ARMC8: variants seen among roughly 807,000 people sequenced by gnomAD.
ARMC8 encodes the protein armadillo repeat containing 8, also known as armadillo repeat-containing protein 8.
Under a neutral mutation model 99.3 loss-of-function variants are expected in ARMC8, and 20 were observed. The observed-to-expected ratio is 0.20, with a 90% confidence interval of 0.14 to 0.29. ARMC8 has a LOEUF of 0.29. ARMC8 is among the 10% of genes least tolerant of loss of function. The probability of loss-of-function intolerance (pLI) is 1.00; values close to 1 mark genes in which losing one functional copy is unlikely to be tolerated. For missense variants in ARMC8, 569 were observed against 809.5 expected (o/e 0.70, Z 3.60); for synonymous variants, 263 against 278.3 (o/e 0.95, Z 0.55).
intron 12 of ARMC8, among the ~76,000 whole-genome samples, chr3:138,252,667 G>C (rs1268811235): frequency 7.0e-6 from 1 of 143,670 alleles, no homozygotes; most frequent in Non-Finnish European, 1.5e-5. Context: ...TGTTGGCCAG[G>C]ATGGTCCCGA....
At chr3:138,197,011 TCTC>T (rs1416777002) in intron 1 of ARMC8, among the ~76,000 whole-genome samples, 1 of 152,186 alleles carries the variant, frequency 6.6e-6, no homozygotes, top group Non-Finnish European at 1.5e-5. Flanking sequence ...ATGCCAGTAA[TCTC>T]CTAGAAGGTG....
Position 138,273,111 on chromosome 3 carries a change from C to T in ARMC8, c.1624C>T (p.Arg542Cys). The part of the protein sequence containing the change: ...LGLLRNLLST[R>C]PHIDKIMSTH... ...ACTTCTTAGAAATCTCCTCTCCACTCGTCCTGTAAGTAAAATCACCCAGGC... is the reference window on the plus strand; with the variant it reads ...ACTTCTTAGAAATCTCCTCTCCACTTGTCCTGTAAGTAAAATCACCCAGGC... The change falls in exon 17 of 22, where the codon CGT becomes TGT. Residue 542 changes from arginine to cysteine, a missense_variant. Arg to Cys is a radical substitution (Grantham distance 180). Coordinates refer to ENST00000469044, the MANE Select transcript of ARMC8 (RefSeq NM_001363941.2). 6.2e-7 allele frequency: 1 copy of T among 1,602,198 alleles called. No homozygotes were observed. The highest frequency in any genetic ancestry group is 8.5e-7 in the Non-Finnish European group (1 of 1,176,172).
chr3:138,274,494 G>T lies in ARMC8; in HGVS notation c.1675G>T (p.Ala559Ser), dbSNP rs777119112. ...TACTCATGGAAAGCAAATTATGCAA[G>T]CCGTCACTCTTATTCTAGAAGGGGA... is the stretch of plus-strand genomic sequence containing the variant. ...MSTHGKQIMQ[A>S]VTLILEGEHN... Residue 559 changes from alanine (A) to serine (S), a missense_variant, in exon 18 of 22, where the codon GCC becomes TCC. By Grantham distance (99) the Ala-to-Ser change is moderately conservative. This residue lies in a region of ARMC8 where 227 missense variants were observed against 417.9 expected (regional missense o/e 0.54). Coordinates refer to ENST00000469044, the MANE Select transcript of ARMC8 (RefSeq NM_001363941.2). 4.3e-6 allele frequency: 7 copies of T among 1,613,120 alleles called. No individual in the cohort carries two copies. The highest frequency in any genetic ancestry group is 5.9e-6 in the Non-Finnish European group (7 of 1,179,322).
intron 18 of ARMC8, among the ~76,000 whole-genome samples, chr3:138,277,944 G>A (rs1290283253): frequency 6.6e-6 from 1 of 152,184 alleles, no homozygotes; most frequent in Non-Finnish European, 1.5e-5. Flanking sequence ...GTTGCTGTAT[G>A]TAACAACATG....
In ARMC8 at chr3:138,241,936, T is replaced by A; in HGVS notation, c.991T>A (p.Tyr331Asn). The stretch of plus-strand genomic sequence containing the variant: ...TCACCTCATTGCCATGCTTGCTGAT[T>A]ATTTCAAGTATCCCAGCTCAGTGAG... Reference protein sequence around the residue: ...TDHLIAMLADYFKYPSSVSAI... With the variant: ...TDHLIAMLADNFKYPSSVSAI... The change falls in exon 11 of 22, where the codon TAT (tyrosine) becomes AAT (asparagine). Residue 331 changes from tyrosine to asparagine, a missense_variant. Transcript: ENST00000469044. The A allele has an allele frequency of 6.2e-7, 1 of 1,614,092 alleles. No individual in the cohort carries two copies. Among genetic ancestry groups the A allele is most frequent in the Non-Finnish European group, 8.5e-7 (1 of 1,179,978 alleles).
chr3:138,283,274 CAATTAGCTT>C (rs996644389), intron 18 of ARMC8, among the ~76,000 whole-genome samples: 5 of 152,182 alleles, frequency 3.3e-5, no homozygotes, highest in Admixed American at 3.3e-4. Flanking sequence ...ACAATCTCCT[CAATTAGCTT>C]AATTAGCTTG....
Position 138,189,540 on chromosome 3 carries a change from A to G in ARMC8, c.45+1941A>G, listed in dbSNP as rs149727302. Among the ~76,000 whole-genome samples, 7 of 152,348 alleles carry G rather than the reference A, an allele frequency of 4.6e-5. No individual in the cohort carries two copies. In the East Asian group the frequency reaches 1.2e-3, roughly 25 times the overall value. On this transcript the variant is annotated intron_variant, in intron 1 of 21. Coordinates refer to ENST00000469044, the MANE Select transcript of ARMC8 (RefSeq NM_001363941.2). ...TGGTTGATTCCTTTAATAAGCTACA[A>G]TGTACCAGTTACGTACAAGCTCTGT... is the stretch of plus-strand genomic sequence containing the variant.
rs114883210 is a variant in ARMC8, at chr3:138,188,383, T to G, written c.45+784T>G. On this transcript the variant is annotated intron_variant, in intron 1 of 21. Transcript: ENST00000469044. ...CATGCCAGGAAGTAAAACCTGTTTTTTTTTTTTTTAAAAAAAGTTTTTTTA... is the reference window on the plus strand; with the variant it reads ...CATGCCAGGAAGTAAAACCTGTTTTGTTTTTTTTTAAAAAAAGTTTTTTTA... 1.7e-3 allele frequency: 2,530 copies of G among 1,481,772 alleles called. 47 individuals are homozygous for G. The African/African-American group carries it at 0.031, about 18-fold the overall frequency. The allele number at this position is 1,481,772 out of a possible 1,614,324, so 91.8% of individuals were successfully genotyped here.
chr3:138,187,998 G>C (rs2043167257), intron 1 of ARMC8: 1 of 262,598 alleles, frequency 3.8e-6, no homozygotes, highest in Non-Finnish European at 7.3e-6. Flanking sequence ...GCCTGAGAAC[G>C]AGCGCCCACT....
intron 1 of ARMC8, among the ~76,000 whole-genome samples, chr3:138,193,275 T>A (rs185972105): frequency 9.9e-5 from 15 of 151,974 alleles, no homozygotes; most frequent in African/African-American, 3.1e-4. Context: ...GCTTATCTTA[T>A]TTTTTGAGAG....
intron 21 of ARMC8, 24 bp from the exon 22 acceptor site, chr3:138,295,835 C>T: frequency 6.2e-7 from 1 of 1,613,120 alleles, no homozygotes; most frequent in Non-Finnish European, 8.5e-7. Context: ...GAGATGATGG[C>T]TAACAGGAAT....
chr3:138,271,909 C>T (rs546813204), intron 16 of ARMC8, among the ~76,000 whole-genome samples: 4 of 151,616 alleles, frequency 2.6e-5, no homozygotes, highest in Admixed American at 2.0e-4. Flanking sequence ...GATTCTTGTG[C>T]CTCAACCTCC....
At chr3:138,230,646 C>T (rs1486065841) in intron 6 of ARMC8, among the ~76,000 whole-genome samples, 1 of 151,942 alleles carries the variant, frequency 6.6e-6, no homozygotes, top group East Asian at 1.9e-4. Context: ...AGAACGAGAC[C>T]CTGTCTCAAA....
In ARMC8 at chr3:138,187,570, G is replaced by C. The variant is rs987946439; in HGVS notation, c.16G>C (p.Glu6Gln). 1.3e-6 allele frequency: 2 copies of C among 1,535,880 alleles called. No individual in the cohort carries two copies. Among genetic ancestry groups the C allele is most frequent in the Non-Finnish European group, 1.7e-6 (2 of 1,146,730 alleles). Residue 6 changes from glutamate (E) to glutamine (Q), a missense_variant, in exon 1 of 22, where the codon GAG becomes CAG. Transcript: ENST00000469044. MACLL[E>Q]TPIRMSVLSE... ...AAGGCTCAAGATGGCGTGCTTGTTG[G>C]AGACCCCAATCCGCATGAGCGTCCT...
At chr3:138,269,257 C>T (rs1002653268) in intron 15 of ARMC8, among the ~76,000 whole-genome samples, 1 of 152,106 alleles carries the variant, frequency 6.6e-6, no homozygotes, top group Non-Finnish European at 1.5e-5. Flanking sequence ...GTATATAGAT[C>T]TGAATTGCTT....
intron 2 of ARMC8, among the ~76,000 whole-genome samples, chr3:138,220,867 A>G (rs1452168861): frequency 6.6e-6 from 1 of 151,530 alleles, no homozygotes; most frequent in Non-Finnish European, 1.5e-5. Flanking sequence ...TTTTTGTATT[A>G]TTTGTAGAGA....
At chr3:138,286,325 T>C (rs1234790287) in intron 19 of ARMC8, among the ~76,000 whole-genome samples, 4 of 152,170 alleles carry the variant, frequency 2.6e-5, no homozygotes, top group African/African-American at 7.2e-5. Flanking sequence ...TAACCTCCTC[T>C]GTTTCACCTC....
chr3:138,257,395 A>G (rs1373874730), intron 12 of ARMC8, among the ~76,000 whole-genome samples: 1 of 152,192 alleles, frequency 6.6e-6, no homozygotes, highest in Non-Finnish European at 1.5e-5. Context: ...CATGTCTTTA[A>G]GTATCCTGTG....
intron 12 of ARMC8, chr3:138,263,526 C>T (rs145545569): frequency 1.4e-5 from 8 of 586,140 alleles, no homozygotes; most frequent in East Asian, 1.1e-4. Flanking sequence ...CTGCCCCTTA[C>T]GCCTGTCATT....
Sources: gnomAD v4.1 joint callset for allele counts (sites outside exome capture counted in the v4.1 genomes callset) on GRCh38, gnomAD v4.1.1 for gene constraint, gnomAD v4.1.1 regional missense constraint, MANE v1.5 for transcripts, NCBI Gene and HGNC (gene_info 2026-07-23, HGNC 2026-07-21) for gene names.